Variants in ZBTB20 observed in about 807,000 individuals in gnomAD.
The protein encoded by ZBTB20 is zinc finger and BTB domain-containing protein 20.
In ZBTB20, 9 loss-of-function variants were observed where a neutral mutation model predicts 56.9. The observed-to-expected ratio is 0.16, with a 90% CI of 0.10 to 0.28. The LOEUF (loss-of-function observed/expected upper bound fraction) is 0.28. Ranked by LOEUF, ZBTB20 falls within the 10% of genes least tolerant of loss-of-function variation. The pLI, the probability that ZBTB20 is intolerant of heterozygous loss-of-function variation, is 1.00. For synonymous variants in ZBTB20, 417 were observed against 420.7 expected (o/e 0.99, Z 0.11); for missense variants, 655 against 1,003.0 (o/e 0.65, Z 4.69).
chr3:114,443,679 T>C (rs1366999832), intron 7 of ZBTB20, among the ~76,000 whole-genome samples: 1 of 152,104 alleles, frequency 6.6e-6, no homozygotes, highest in Non-Finnish European at 1.5e-5. Flanking sequence ...GAGAAGTATA[T>C]AAATGGGAAA....
At chr3:114,699,673 A>G (rs2063276230) in intron 5 of ZBTB20, among the ~76,000 whole-genome samples, 1 of 152,138 alleles carries the variant, frequency 6.6e-6, no homozygotes, top group South Asian at 2.1e-4. Context: ...CAAAACCTTC[A>G]AAAAGTTTTT....
At chr3:115,054,063 A>T (rs1336213056) in intron 2 of ZBTB20, among the ~76,000 whole-genome samples, 1 of 152,142 alleles carries the variant, frequency 6.6e-6, no homozygotes, top group Non-Finnish European at 1.5e-5. Context: ...TCTGCTTTGT[A>T]AAATTAAATA....
At chr3:115,068,438 C>A (rs367831587) in intron 2 of ZBTB20, among the ~76,000 whole-genome samples, 1 of 151,976 alleles carries the variant, frequency 6.6e-6, no homozygotes, top group South Asian at 2.1e-4. Context: ...ATGAAGAATA[C>A]ACATCTGAGG....
intron 7 of ZBTB20, among the ~76,000 whole-genome samples, chr3:114,393,058 A>T (rs1158636331): frequency 6.6e-6 from 1 of 152,236 alleles, no homozygotes; most frequent in Non-Finnish European, 1.5e-5. Flanking sequence ...CTTGGTAGGT[A>T]GCATTAATCA....
At chr3:115,016,520 T>A (rs2079965765) in intron 2 of ZBTB20, among the ~76,000 whole-genome samples, 1 of 151,930 alleles carries the variant, frequency 6.6e-6, no homozygotes, top group Non-Finnish European at 1.5e-5. Context: ...CAGTTTCAAT[T>A]TTCTGCATAT....
chr3:114,778,470 C>G (rs1041831616), intron 5 of ZBTB20, among the ~76,000 whole-genome samples: 1 of 151,414 alleles, frequency 6.6e-6, no homozygotes, highest in African/African-American at 2.4e-5. Context: ...GTTAAAAACA[C>G]TTGGTAGCAG....
At chr3:114,462,999 A>T (rs1376899102) in intron 7 of ZBTB20, among the ~76,000 whole-genome samples, 2 of 152,086 alleles carry the variant, frequency 1.3e-5, no homozygotes, top group Non-Finnish European at 2.9e-5. Context: ...TGTAGCAAAG[A>T]TTCTGTTTGG....
intron 5 of ZBTB20, among the ~76,000 whole-genome samples, chr3:114,729,154 T>G (rs540913306): frequency 1.3e-5 from 2 of 152,158 alleles, no homozygotes; most frequent in Non-Finnish European, 2.9e-5. Context: ...GTCACCAAAA[T>G]AGACAACACA....
intron 3 of ZBTB20, among the ~76,000 whole-genome samples, chr3:114,972,349 T>C (rs548412182): frequency 3.3e-5 from 5 of 152,294 alleles, no homozygotes; most frequent in Admixed American, 6.5e-5. Flanking sequence ...CTGTAAAATA[T>C]GAAAATAAAA....
At chr3:114,687,151 T>A (rs2062389544) in intron 6 of ZBTB20, 1 of 151,880 alleles carries the variant, frequency 6.6e-6, no homozygotes, top group African/African-American at 2.4e-5. Context: ...TAAATGTAAA[T>A]TAACTAACAG....
rs555042236 is a variant in ZBTB20 at position 115,110,281 on chromosome 3, C to T, written c.-703+36938G>A. Reference sequence around the variant, plus strand: ...CAATTTTGAAGCGAGTTATTAATAACGGAGTCAGCATGATAGCAGCCTGCT... The same window carrying T: ...CAATTTTGAAGCGAGTTATTAATAATGGAGTCAGCATGATAGCAGCCTGCT... On this transcript the variant is annotated intron_variant, in intron 1 of 11. Transcript: ENST00000675478. 7.9e-5 allele frequency among the ~76,000 whole-genome samples: 12 copies of T among 151,680 alleles called. No homozygotes were observed. The South Asian group carries it at 8.3e-4, about 11-fold the overall frequency.
At chr3:114,655,669 A>G (rs115742107) in intron 6 of ZBTB20, among the ~76,000 whole-genome samples, 1 of 152,206 alleles carries the variant, frequency 6.6e-6, no homozygotes, top group Admixed American at 6.5e-5. Context: ...GGATTACAAT[A>G]TGCCTCTTTA....
chr3:114,518,181 G>T (rs982908652), intron 6 of ZBTB20, among the ~76,000 whole-genome samples: 2 of 152,226 alleles, frequency 1.3e-5, no homozygotes, highest in East Asian at 3.9e-4. Flanking sequence ...GCAGGGTCAT[G>T]AAGTTTTCGG....
At chr3:114,424,598 C>A (rs1197680187) in intron 7 of ZBTB20, among the ~76,000 whole-genome samples, 1 of 152,182 alleles carries the variant, frequency 6.6e-6, no homozygotes, top group African/African-American at 2.4e-5. Flanking sequence ...GGGAGCAAAG[C>A]GCTATTCCTA....
intron 2 of ZBTB20, among the ~76,000 whole-genome samples, chr3:115,067,483 T>C (rs769114055): frequency 3.7e-4 from 56 of 150,860 alleles, no homozygotes; most frequent in Non-Finnish European, 7.4e-4. Flanking sequence ...AATCATTCAA[T>C]GGATAACACA....
chr3:114,511,165 C>T (rs1241288487), intron 6 of ZBTB20, among the ~76,000 whole-genome samples: 1 of 150,294 alleles, frequency 6.7e-6, no homozygotes, highest in Non-Finnish European at 1.5e-5. Context: ...TTTGTCATGG[C>T]AAAGAAAAGA....
At chr3:115,055,666 T>C (rs940088156) in intron 2 of ZBTB20, among the ~76,000 whole-genome samples, 7 of 152,086 alleles carry the variant, frequency 4.6e-5, no homozygotes, top group East Asian at 1.9e-4. Flanking sequence ...AAAAACACTG[T>C]CCCTAGAAGA....
chr3:114,584,208 G>A (rs1245406128), intron 6 of ZBTB20, among the ~76,000 whole-genome samples: 1 of 152,082 alleles, frequency 6.6e-6, no homozygotes, highest in Non-Finnish European at 1.5e-5. Flanking sequence ...CTATCCATCT[G>A]AATAGGAAGA....
At chr3:114,533,568 G>A (rs2110050522) in intron 6 of ZBTB20, among the ~76,000 whole-genome samples, 1 of 152,214 alleles carries the variant, frequency 6.6e-6, no homozygotes, top group Non-Finnish European at 1.5e-5. Flanking sequence ...AATTCTTCAG[G>A]ATATTATCCA....
Sources: gnomAD v4.1 joint callset for allele counts (sites outside exome capture counted in the v4.1 genomes callset) on GRCh38, gnomAD v4.1.1 for gene constraint, MANE v1.5 for transcripts, NCBI Gene and HGNC (gene_info 2026-07-23, HGNC 2026-07-21) for gene names.